The following GRID1 variants were observed in gnomAD, a reference collection of about 807,000 sequenced individuals.
GRID1 encodes glutamate receptor ionotropic, delta-1.
In GRID1, 28 loss-of-function variants were observed where a neutral mutation model predicts 98.0. The observed-to-expected ratio is 0.29, with a 90% CI of 0.21 to 0.39. The LOEUF (loss-of-function observed/expected upper bound fraction) is 0.39, where lower values mean the gene tolerates loss of function less well. GRID1 is among the 10% of genes least tolerant of loss of function. The probability of loss-of-function intolerance (pLI) is 1.00; values close to 1 mark genes in which losing one functional copy is unlikely to be tolerated. For missense variants in GRID1, 1,111 were observed against 1,340.5 expected (o/e 0.83, Z 2.67); for synonymous variants, 553 against 538.5 (o/e 1.03, Z -0.37).
chr10:86,347,464 TCAGCCCCATACCAGCC>T (rs1848401656), intron 2 of GRID1, among the ~76,000 whole-genome samples: 1 of 152,200 alleles, frequency 6.6e-6, no homozygotes, highest in African/African-American at 2.4e-5. Flanking sequence ...AGGAAGTGAT[TCAGCCCCATACCAGCC>T]CAGTGAGCTG....
rs1841019162 is a variant in GRID1 at position 85,666,355 on chromosome 10, T to C, written c.1998-18958A>G. 2.0e-5 allele frequency among the ~76,000 whole-genome samples: 3 copies of C among 152,112 alleles called. No homozygotes were observed. In the South Asian group the frequency reaches 6.2e-4, roughly 32 times the overall value. On this transcript the variant is annotated intron_variant, in intron 12 of 15. Coordinates refer to ENST00000327946, the MANE Select transcript of GRID1 (RefSeq NM_017551.3). ...GAACAGATGTTTCTCAGGGGCCAGC[T>C]CTAGAACAGTTCTCCTGGAGGGTGT...
At chr10:85,857,157 G>T (rs1364912950) in intron 6 of GRID1, among the ~76,000 whole-genome samples, 1 of 152,210 alleles carries the variant, frequency 6.6e-6, no homozygotes, top group East Asian at 1.9e-4. Context: ...CTGCCACCCA[G>T]GGAACACATT....
At chr10:86,045,025 C>G (rs941450414) in intron 4 of GRID1, among the ~76,000 whole-genome samples, 5 of 152,228 alleles carry the variant, frequency 3.3e-5, no homozygotes, top group African/African-American at 1.2e-4. Context: ...GATGCAAGGA[C>G]CACAAATCCT....
intron 2 of GRID1, among the ~76,000 whole-genome samples, chr10:86,335,124 T>A (rs1360703448): frequency 1.3e-5 from 2 of 152,256 alleles, no homozygotes; most frequent in Non-Finnish European, 2.9e-5. Context: ...CTTTCATTGC[T>A]ATAACCATTA....
At chr10:85,946,975 A>G (rs1364509193) in intron 4 of GRID1, among the ~76,000 whole-genome samples, 2 of 152,206 alleles carry the variant, frequency 1.3e-5, no homozygotes, top group East Asian at 3.8e-4. Context: ...AGACAACAGC[A>G]AGTCCAGAAG....
intron 2 of GRID1, among the ~76,000 whole-genome samples, chr10:86,298,646 C>G (rs1373918724): frequency 1.3e-5 from 2 of 152,146 alleles, no homozygotes; most frequent in African/African-American, 4.8e-5. Flanking sequence ...CAGGACTCAT[C>G]CTGGAGCTAA....
chr10:86,141,838 A>G (rs1202357601), intron 3 of GRID1, among the ~76,000 whole-genome samples: 4 of 152,172 alleles, frequency 2.6e-5, no homozygotes, highest in Admixed American at 6.5e-5. Context: ...ACCGCCTTTA[A>G]CCAGTGTGGT....
At chr10:85,696,028 C>A (rs1841389290) in intron 12 of GRID1, among the ~76,000 whole-genome samples, 1 of 152,084 alleles carries the variant, frequency 6.6e-6, no homozygotes, top group Non-Finnish European at 1.5e-5. Context: ...TTGAACTATT[C>A]TACCCAGTGT....
chr10:85,960,926 C>G (rs1213526351), intron 4 of GRID1, among the ~76,000 whole-genome samples: 1 of 151,848 alleles, frequency 6.6e-6, no homozygotes, highest in Non-Finnish European at 1.5e-5. Flanking sequence ...TTCTGCAGAC[C>G]CTGCTATTAA....
intron 12 of GRID1, among the ~76,000 whole-genome samples, chr10:85,719,246 T>C (rs1281468516): frequency 6.6e-6 from 1 of 152,218 alleles, no homozygotes; most frequent in Non-Finnish European, 1.5e-5. Context: ...GGTTCCAAAC[T>C]TTCCCACATT....
At chr10:85,659,216 T>G (rs558217430) in intron 12 of GRID1, among the ~76,000 whole-genome samples, 2 of 152,186 alleles carry the variant, frequency 1.3e-5, no homozygotes, top group Non-Finnish European at 2.9e-5. Flanking sequence ...TGTTCCGGCC[T>G]GGGTGTGTTC....
At chr10:85,895,180 C>T (rs1321260955) in intron 5 of GRID1, among the ~76,000 whole-genome samples, 1 of 151,600 alleles carries the variant, frequency 6.6e-6, no homozygotes, top group Non-Finnish European at 1.5e-5. Flanking sequence ...TCCTGTTAGC[C>T]CCACCTTTGA....
intron 8 of GRID1, among the ~76,000 whole-genome samples, chr10:85,830,793 AT>A (rs1238395594): frequency 6.6e-6 from 1 of 152,232 alleles, no homozygotes; most frequent in African/African-American, 2.4e-5. Flanking sequence ...AATAGCTATT[AT>A]TAAAAAATAA....
At chr10:85,704,204 G>A (rs1157211020) in intron 12 of GRID1, among the ~76,000 whole-genome samples, 2 of 152,244 alleles carry the variant, frequency 1.3e-5, no homozygotes, top group South Asian at 2.1e-4. Flanking sequence ...ACCCATCAGT[G>A]TGCTGTATTC....
At chr10:85,730,233 G>C (rs1254664393) in intron 8 of GRID1, among the ~76,000 whole-genome samples, 1 of 152,208 alleles carries the variant, frequency 6.6e-6, no homozygotes, top group Admixed American at 6.5e-5. Flanking sequence ...AGCCTGCAGA[G>C]TATATCCAAT....
intron 12 of GRID1, among the ~76,000 whole-genome samples, chr10:85,683,545 T>C (rs149810460): frequency 6.6e-6 from 1 of 152,344 alleles, no homozygotes; most frequent in East Asian, 1.9e-4. Flanking sequence ...TGAAGCAAAC[T>C]GTTTTTCTCC....
At chr10:85,890,352 C>T (rs1289768865) in intron 5 of GRID1, among the ~76,000 whole-genome samples, 1 of 151,974 alleles carries the variant, frequency 6.6e-6, no homozygotes, top group Non-Finnish European at 1.5e-5. Context: ...GCTCATTACC[C>T]TGATTTGATC....
rs1261643943 is a variant in GRID1, at chr10:86,359,299, CT to C, written c.235+4641del. 4.6e-5 allele frequency among the ~76,000 whole-genome samples: 7 copies of C among 152,272 alleles called. 1 individual carries two copies. The highest frequency in any genetic ancestry group is 1.7e-4 in the African/African-American group (7 of 41,532). On this transcript the variant is annotated intron_variant, in intron 2 of 15. Transcript: ENST00000327946. ...CGTGGCCTCGATGGGACCTACAATT[CT>C]CTATAATTCTGAATGGAGCCAACGA...
chr10:86,033,479 A>G (rs112788495), intron 4 of GRID1, among the ~76,000 whole-genome samples: 1,585 of 152,132 alleles, frequency 0.01, 21 homozygotes, highest in African/African-American at 0.036. Flanking sequence ...TGTAGATGAG[A>G]TAAGAAGTGG....
Sources: allele counts gnomAD v4.1 joint callset (sites outside exome capture counted in the v4.1 genomes callset), GRCh38; gene constraint gnomAD v4.1.1; transcripts MANE v1.5; gene names NCBI Gene and HGNC (gene_info 2026-07-23, HGNC 2026-07-21).